Variants in OSBPL1A observed in about 807,000 individuals in gnomAD.
OSBPL1A encodes the protein oxysterol binding protein like 1A.
OSBPL1A carries 80 observed loss-of-function variants against 137.1 expected under a neutral mutation model. That is an observed-to-expected ratio of 0.58 (90% CI 0.49 to 0.70). OSBPL1A has a LOEUF of 0.70. Among genes scored for constraint, OSBPL1A ranks in the 30% least tolerant of loss-of-function variants. The pLI is 0.00. For missense variants in OSBPL1A, 970 were observed against 1,129.4 expected (o/e 0.86, Z 2.02); for synonymous variants, 365 against 389.7 (o/e 0.94, Z 0.75).
chr18:24,321,631 C>A, intron 7 of OSBPL1A: 1 of 493,544 alleles, frequency 2.0e-6, no homozygotes, highest in South Asian at 1.5e-5. Context: ...GAGGACGTGG[C>A]CCCACAGTAA....
At chr18:24,283,015 A>G (rs546422327) in intron 14 of OSBPL1A, among the ~76,000 whole-genome samples, 155 of 152,162 alleles carry the variant, frequency 1.0e-3, no homozygotes, top group African/African-American at 3.5e-3. Context: ...AGGCTGAGGC[A>G]GGAGGACTGC....
intron 15 of OSBPL1A, among the ~76,000 whole-genome samples, chr18:24,278,969 G>A (rs1236737675): frequency 6.6e-6 from 1 of 152,128 alleles, no homozygotes; most frequent in Non-Finnish European, 1.5e-5. Context: ...AATGTTTAAT[G>A]AACAATTATG....
At chr18:24,377,376 T>A in intron 2 of OSBPL1A, 37 bp downstream of exon 2, 4 of 1,586,962 alleles carry the variant, frequency 2.5e-6, no homozygotes, top group Non-Finnish European at 2.6e-6. Flanking sequence ...TAGTGCAGAC[T>A]CATAAGAGAA....
intron 3 of OSBPL1A, chr18:24,367,516 TG>T (rs1232956372): frequency 6.6e-6 from 1 of 151,556 alleles, no homozygotes; most frequent in Non-Finnish European, 1.5e-5. Flanking sequence ...TGGAGGCACG[TG>T]CCTATAGCTC....
chr18:24,228,101 G>A (rs1599528082), intron 16 of OSBPL1A, among the ~76,000 whole-genome samples: 1 of 152,002 alleles, frequency 6.6e-6, no homozygotes. Context: ...AAAGATCTAC[G>A]ACCCACAAAC....
rs143912326 is a variant in OSBPL1A, at chr18:24,280,771, A to G, written c.1281+71T>C. 6.2e-5 allele frequency: 65 copies of G among 1,045,172 alleles called. 1 individual carries two copies. In the African/African-American group the frequency reaches 8.6e-4, roughly 14 times the overall value. 64.7% of individuals were successfully genotyped at this position (1,045,172 alleles called of 1,614,324 possible). On this transcript the variant is annotated intron_variant, in intron 15 of 27. Transcript: ENST00000319481. ...CCTACCTTTGAACAATTTGAAAGCA[A>G]TGACTTCATGGACAACCACGCATGC... is the stretch of plus-strand genomic sequence containing the variant.
At position 24,353,322 on chromosome 18, in the gene OSBPL1A, C is replaced by T. The variant is rs530128455; in HGVS notation, c.283-11664G>A. ...GCCAAAAAACACATGAAAAAATGCTCATCATCACTGGCCATCAAAGAAATG... is the reference window on the plus strand; with the variant it reads ...GCCAAAAAACACATGAAAAAATGCTTATCATCACTGGCCATCAAAGAAATG... On this transcript the variant is annotated intron_variant, in intron 4 of 27. Transcript: ENST00000319481. Among the ~76,000 whole-genome samples, 5 of 152,298 alleles carry T rather than the reference C, an allele frequency of 3.3e-5. No individual in the cohort carries two copies. The South Asian group carries it at 1.0e-3, about 32-fold the overall frequency.
intron 15 of OSBPL1A, among the ~76,000 whole-genome samples, chr18:24,241,072 T>C (rs1033388444): frequency 6.6e-6 from 1 of 152,208 alleles, no homozygotes; most frequent in Non-Finnish European, 1.5e-5. Context: ...TGGCTAGCCA[T>C]ATGCAGAAAA....
At chr18:24,323,172 T>C (rs2090897889) in intron 7 of OSBPL1A, among the ~76,000 whole-genome samples, 1 of 152,000 alleles carries the variant, frequency 6.6e-6, no homozygotes, top group South Asian at 2.1e-4. Context: ...ATTATAACCA[T>C]TAAAAGTGCA....
At chr18:24,268,273 A>C (rs1263911566) in intron 15 of OSBPL1A, among the ~76,000 whole-genome samples, 1 of 151,816 alleles carries the variant, frequency 6.6e-6, no homozygotes, top group Non-Finnish European at 1.5e-5. Context: ...ACACCACCAC[A>C]CCCAGCTAAT....
intron 4 of OSBPL1A, among the ~76,000 whole-genome samples, chr18:24,348,813 AT>A (rs2091389969): frequency 6.6e-6 from 1 of 151,970 alleles, no homozygotes; most frequent in South Asian, 2.1e-4. Flanking sequence ...AAGGTAAAAG[AT>A]ACACCACAGT....
chr18:24,394,812 A>C (rs1221468759), intron 1 of OSBPL1A, among the ~76,000 whole-genome samples: 2 of 116,300 alleles, frequency 1.7e-5, no homozygotes, highest in East Asian at 2.9e-4. Context: ...GAAATTGTAC[A>C]GTTAAAGACT....
At chr18:24,280,979 G>T in intron 14 of OSBPL1A, 31 bp from the exon 15 acceptor site, 1 of 1,435,740 alleles carries the variant, frequency 7.0e-7, no homozygotes, top group Non-Finnish European at 9.6e-7. Flanking sequence ...ACAGTGAGTC[G>T]GATTTTAAGG....
chr18:24,298,946 A>G (rs921775422), intron 14 of OSBPL1A, among the ~76,000 whole-genome samples: 1 of 152,184 alleles, frequency 6.6e-6, no homozygotes, highest in Admixed American at 6.5e-5. Flanking sequence ...GGATTGTAAT[A>G]TCTTCTTCTT....
intron 14 of OSBPL1A, among the ~76,000 whole-genome samples, chr18:24,283,352 A>G (rs1221305604): frequency 2.0e-5 from 3 of 149,326 alleles, no homozygotes; most frequent in Non-Finnish European, 4.4e-5. Context: ...ACATATGGAT[A>G]TGAAGGCCAA....
At position 24,367,087 on chromosome 18, in the gene OSBPL1A, A is replaced by T. The variant is rs2091713639; in HGVS notation, c.208-121T>A. ...ATATTGTTTAGGTGTCAGTACTAAC[A>T]ATAAATTAAATTTAAAGTAACAATA... On this transcript the variant is annotated intron_variant, in intron 3 of 27. Coordinates refer to ENST00000319481, the MANE Select transcript of OSBPL1A (RefSeq NM_080597.4). 17 of 736,114 alleles carry T rather than the reference A, an allele frequency of 2.3e-5. No homozygotes were observed. The South Asian group carries it at 5.9e-4, about 25-fold the overall frequency. 45.6% of individuals were successfully genotyped at this position (736,114 alleles called of 1,614,324 possible). A position where few individuals can be genotyped will look rare whatever the true frequency, so the allele number is the denominator to read the frequency against.
intron 26 of OSBPL1A, among the ~76,000 whole-genome samples, chr18:24,165,457 T>C (rs1300937420): frequency 1.3e-5 from 2 of 152,154 alleles, no homozygotes; most frequent in East Asian, 1.9e-4. Context: ...CAATGAAAAC[T>C]TGGGTGCAAA....
chr18:24,377,569 T>C (rs1599732917), intron 1 of OSBPL1A, 34 bp from the exon 2 acceptor site: 1 of 1,550,596 alleles, frequency 6.4e-7, no homozygotes, highest in East Asian at 2.3e-5. Context: ...TGCTATTATT[T>C]AAGAACATAA....
At chr18:24,284,492 T>C (rs2090029988) in intron 14 of OSBPL1A, among the ~76,000 whole-genome samples, 1 of 152,182 alleles carries the variant, frequency 6.6e-6, no homozygotes, top group African/African-American at 2.4e-5. Flanking sequence ...CATAAAAAGC[T>C]CACAATCTGT....
Sources: allele counts gnomAD v4.1 joint callset (sites outside exome capture counted in the v4.1 genomes callset), GRCh38; gene constraint gnomAD v4.1.1; transcripts MANE v1.5; gene names NCBI Gene and HGNC (gene_info 2026-07-23, HGNC 2026-07-21).